The following DENND2B variants were observed in gnomAD, a reference collection of about 807,000 sequenced individuals.
The protein encoded by DENND2B is DENN domain containing 2B.
DENND2B carries 32 observed loss-of-function variants against 116.0 expected under a neutral mutation model. The ratio of observed to expected loss-of-function variants is 0.28; its 90% confidence interval spans 0.21 to 0.37. The LOEUF (loss-of-function observed/expected upper bound fraction) is 0.37, where lower values mean the gene tolerates loss of function less well. DENND2B is among the 10% of genes least tolerant of loss of function. The pLI, the probability that DENND2B is intolerant of heterozygous loss-of-function variation, is 1.00. For synonymous variants in DENND2B, 588 were observed against 583.9 expected (o/e 1.01, Z -0.10); for missense variants, 1,276 against 1,477.7 (o/e 0.86, Z 2.24).
At chr11:8,758,301 C>T (rs2053958202) in intron 1 of DENND2B, among the ~76,000 whole-genome samples, 1 of 152,176 alleles carries the variant, frequency 6.6e-6, no homozygotes, top group South Asian at 2.1e-4. Flanking sequence ...TTAGCTTCTT[C>T]CACCACACAG....
rs1370326770 is a variant in DENND2B, at chr11:8,730,785, A to G, written c.505T>C (p.Ser169Pro). 14 of 1,612,930 alleles carry G rather than the reference A, an allele frequency of 8.7e-6. No homozygotes were observed. Among genetic ancestry groups the G allele is most frequent in the Middle Eastern group, 1.6e-4 (1 of 6,062 alleles). The change falls in exon 3 of 20, where the codon TCA becomes CCA. Residue 169 changes from serine (S) to proline (P), a missense_variant. Physicochemically the swap from Ser to Pro is moderately conservative, Grantham distance 74 (BLOSUM62 -1). This residue lies in a region of DENND2B where 856 missense variants were observed against 846.6 expected (regional missense o/e 1.01). Transcript: ENST00000313726. This position sits in a 1 kb window ranked among gnomAD's most constrained non-coding sequence, Gnocchi z 4.1. ...GCCTCTCGGCGACCTTCCCATGCTG[A>G]TATCTTCTCCCGGATGCCCAGGCTG... is the stretch of plus-strand genomic sequence containing the variant. Reference protein sequence around the residue: ...AHSLGIREKISAWEGRREASP... With the variant: ...AHSLGIREKIPAWEGRREASP...
At chr11:8,765,211 C>G (rs7342158) in intron 1 of DENND2B, among the ~76,000 whole-genome samples, 2 of 152,182 alleles carry the variant, frequency 1.3e-5, no homozygotes, top group Non-Finnish European at 2.9e-5. Flanking sequence ...GAGAAAGAGT[C>G]TGTCCATCCA....
Position 8,730,767 on chromosome 11 carries a change from G to A in DENND2B, c.523C>T (p.Arg175Ter). The A allele has an allele frequency of 1.9e-6, 3 of 1,609,536 alleles. No individual in the cohort carries two copies. Among genetic ancestry groups the A allele is most frequent in the Non-Finnish European group, 2.5e-6 (3 of 1,177,050 alleles). Residue 175 changes from arginine (R) to a stop codon, truncating the protein, a stop_gained, in exon 3 of 20, where the codon CGA (arginine) becomes TGA (stop). Transcript: ENST00000313726. LOFTEE classifies it high-confidence loss of function. This position sits in a 1 kb window ranked among gnomAD's most constrained non-coding sequence, Gnocchi z 4.1. The part of the protein sequence containing the change: ...REKISAWEGR[R>*]EASPRMSMCG... The stretch of plus-strand genomic sequence containing the variant: ...ATGCTCATCCTGGGCGACGCCTCTC[G>A]GCGACCTTCCCATGCTGATATCTTC...
At chr11:8,837,768 A>ATCAAT (rs2062486012) in intron 4 of DENND2B, among the ~76,000 whole-genome samples, 3 of 152,340 alleles carry the variant, frequency 2.0e-5, no homozygotes, top group Admixed American at 1.3e-4. Context: ...AACAGAACCA[A>ATCAAT]CAATCAATAA....
chr11:8,895,754 T>C (rs1488028594), intron 1 of DENND2B, among the ~76,000 whole-genome samples: 1 of 152,154 alleles, frequency 6.6e-6, no homozygotes, highest in Non-Finnish European at 1.5e-5. Flanking sequence ...TTATTTTGTG[T>C]GTTTTTTTAT....
intron 4 of DENND2B, among the ~76,000 whole-genome samples, chr11:8,824,833 G>A (rs1021603763): frequency 1.4e-4 from 20 of 147,484 alleles, no homozygotes; most frequent in Non-Finnish European, 2.1e-4. Context: ...GACTACAGGC[G>A]CACACCTCCA....
intron 1 of DENND2B, chr11:8,776,576 G>T: frequency 3.8e-6 from 1 of 263,784 alleles, no homozygotes; most frequent in Non-Finnish European, 7.5e-6. Flanking sequence ...CCACTTGTAG[G>T]GGTAAGGTGA....
At chr11:8,752,148 T>TA (rs942383995) in intron 1 of DENND2B, among the ~76,000 whole-genome samples, 1 of 151,682 alleles carries the variant, frequency 6.6e-6, no homozygotes, top group African/African-American at 2.4e-5. Flanking sequence ...GTAAGTGGAA[T>TA]AAAAAAAAAT....
chr11:8,894,962 C>T (rs972796080), intron 1 of DENND2B, among the ~76,000 whole-genome samples: 6 of 152,000 alleles, frequency 3.9e-5, no homozygotes, highest in South Asian at 2.1e-4. Flanking sequence ...ATGTTTATTG[C>T]GGCACTATTC....
At chr11:8,873,953 A>G (rs543443431), upstream of DENND2B, among the ~76,000 whole-genome samples, 1 of 152,378 alleles carries the variant, frequency 6.6e-6, no homozygotes, top group South Asian at 2.1e-4. Flanking sequence ...AGAAATGTGC[A>G]GAGACTGCTG....
chr11:8,816,116 A>G (rs934195835), intron 4 of DENND2B, among the ~76,000 whole-genome samples: 3 of 152,164 alleles, frequency 2.0e-5, no homozygotes, highest in Non-Finnish European at 4.4e-5. Context: ...TGTTCTTTCA[A>G]TATTATTGGT....
At chr11:8,890,438 T>C (rs2134742087) in intron 1 of DENND2B, among the ~76,000 whole-genome samples, 1 of 152,056 alleles carries the variant, frequency 6.6e-6, no homozygotes, top group East Asian at 1.9e-4. Context: ...TGATCAAACT[T>C]CTCTGAGCTA....
chr11:8,843,337 G>A (rs2062692362), intron 3 of DENND2B, among the ~76,000 whole-genome samples: 1 of 152,114 alleles, frequency 6.6e-6, no homozygotes, highest in Admixed American at 6.5e-5. Flanking sequence ...ACAAGCTAAA[G>A]GCCCTAATTG....
rs531253566 is a variant in DENND2B at position 8,887,685 on chromosome 11, C to T, written c.-255-6576G>A. Among the ~76,000 whole-genome samples the T allele has an allele frequency of 2.6e-5, 4 of 152,304 alleles. No homozygotes were observed. In the East Asian group the frequency reaches 7.7e-4, roughly 29 times the overall value. ...CTCATACTAGAAGGATCCTCTGCCC[C>T]ACATACCTTATGCCCAGTCTTGCCT... is the stretch of plus-strand genomic sequence containing the variant. On this transcript the variant is annotated intron_variant, in intron 1 of 22. Coordinates refer to the DENND2B transcript ENST00000534127.
chr11:8,708,073 ACCAGGCTCCTG>A (rs1565660669), intron 11 of DENND2B: 6 of 1,473,950 alleles, frequency 4.1e-6, no homozygotes, highest in South Asian at 2.6e-5. Flanking sequence ...AGCACCAGGT[ACCAGGCTCCTG>A]CCAGGCTCCA....
chr11:8,815,331 G>A, upstream of DENND2B, among the ~76,000 whole-genome samples: 1 of 152,124 alleles, frequency 6.6e-6, no homozygotes, highest in East Asian at 1.9e-4. Flanking sequence ...ACTACAGTCT[G>A]GTGGAAAAAT....
At chr11:8,840,834 C>A (rs771255163) in intron 3 of DENND2B, among the ~76,000 whole-genome samples, 4 of 150,836 alleles carry the variant, frequency 2.7e-5, no homozygotes, top group Non-Finnish European at 6.0e-5. Flanking sequence ...CCTGGCCTGG[C>A]CACGGAACTG....
intron 6 of DENND2B, 93 bp downstream of exon 6, chr11:8,715,510 T>C: frequency 7.5e-7 from 1 of 1,334,622 alleles, no homozygotes; most frequent in Non-Finnish European, 1.1e-6. Flanking sequence ...CAGTCCAGAT[T>C]AGGGAAGGAA....
At chr11:8,840,281 G>A (rs1039853294) in intron 3 of DENND2B, among the ~76,000 whole-genome samples, 2 of 152,124 alleles carry the variant, frequency 1.3e-5, no homozygotes, top group Admixed American at 1.3e-4. Flanking sequence ...GTGCTTTCAG[G>A]CTTTTCTGTT....
Sources: allele counts gnomAD v4.1 joint callset (sites outside exome capture counted in the v4.1 genomes callset), GRCh38; gene constraint gnomAD v4.1.1; regional missense constraint gnomAD v4.1.1; non-coding constraint Gnocchi (gnomAD v3.1); transcripts MANE v1.5; gene names NCBI Gene and HGNC (gene_info 2026-07-23, HGNC 2026-07-21).